PTPRD: variants seen among roughly 807,000 people sequenced by gnomAD.
PTPRD encodes receptor-type tyrosine-protein phosphatase delta.
Under a neutral mutation model 214.5 loss-of-function variants are expected in PTPRD, and 34 were observed. The ratio of observed to expected loss-of-function variants is 0.16; its 90% confidence interval spans 0.12 to 0.21. The LOEUF (loss-of-function observed/expected upper bound fraction) is 0.21. PTPRD is among the 10% of genes least tolerant of loss of function. The probability of loss-of-function intolerance (pLI) is 1.00; values close to 1 mark genes in which losing one functional copy is unlikely to be tolerated. For missense variants in PTPRD, 2,545 were observed against 2,398.7 expected (o/e 1.06, Z -1.27); for synonymous variants, 1,128 against 845.7 (o/e 1.33, Z -5.79).
intron 8 of PTPRD, among the ~76,000 whole-genome samples, chr9:9,414,585 C>T (rs1484462265): frequency 6.6e-6 from 1 of 152,068 alleles, no homozygotes; most frequent in Non-Finnish European, 1.5e-5. Context: ...TAATTAAAAA[C>T]AAACAAACCA....
intron 4 of PTPRD, among the ~76,000 whole-genome samples, chr9:9,972,773 C>T (rs574394920): frequency 3.9e-5 from 6 of 152,198 alleles, no homozygotes; most frequent in South Asian, 2.1e-4. Flanking sequence ...TTGTGGCTTA[C>T]GGGCATCATT....
chr9:10,456,203 A>T (rs1159493741), intron 2 of PTPRD, among the ~76,000 whole-genome samples: 1 of 151,942 alleles, frequency 6.6e-6, no homozygotes, highest in African/African-American at 2.4e-5. Flanking sequence ...AACCTATAAA[A>T]ATGTAACAGA....
At chr9:8,756,212 C>A (rs947415668) in intron 11 of PTPRD, among the ~76,000 whole-genome samples, 4 of 152,248 alleles carry the variant, frequency 2.6e-5, no homozygotes, top group African/African-American at 9.6e-5. Flanking sequence ...CCAAATCACT[C>A]CCCTTCTCTG....
chr9:10,582,486 A>G (rs908455967), intron 2 of PTPRD, among the ~76,000 whole-genome samples: 3 of 152,284 alleles, frequency 2.0e-5, no homozygotes, highest in African/African-American at 7.2e-5. Context: ...TACTTTATCC[A>G]TATTATAAAA....
rs1593484084 is a variant in PTPRD, at chr9:8,551,866, C to A, written c.353-23087G>T. ...AGAATCAAGCCTGGAATAGATCAAA[C>A]CAGAAATGTGATCCAGTCATCCTGT... On this transcript the variant is annotated intron_variant, in intron 14 of 45. Transcript: ENST00000381196. 2.0e-5 allele frequency among the ~76,000 whole-genome samples: 3 copies of A among 152,132 alleles called. No individual in the cohort carries two copies. In the East Asian group the frequency reaches 5.8e-4, roughly 29 times the overall value.
Position 9,590,647 on chromosome 9 carries a change from G to A in PTPRD, c.-286-15866C>T, listed in dbSNP as rs1230945408. 4.0e-5 allele frequency among the ~76,000 whole-genome samples: 6 copies of A among 151,594 alleles called. No individual in the cohort carries two copies. In the East Asian group the frequency reaches 1.2e-3, roughly 29 times the overall value. ...TTATAAGACATTCAAGATAACACTTGTCTTTTTCATAATAAAATGATAATC... is the reference window on the plus strand; with the variant it reads ...TTATAAGACATTCAAGATAACACTTATCTTTTTCATAATAAAATGATAATC... On this transcript the variant is annotated intron_variant, in intron 7 of 45. Transcript: ENST00000381196.
chr9:10,292,600 A>G (rs925370052), intron 3 of PTPRD, among the ~76,000 whole-genome samples: 2 of 152,004 alleles, frequency 1.3e-5, no homozygotes, highest in African/African-American at 4.8e-5. Flanking sequence ...ACCAACTGTT[A>G]TTTTTGGGCA....
At chr9:9,266,186 G>T (rs929743497) in intron 9 of PTPRD, among the ~76,000 whole-genome samples, 1 of 151,552 alleles carries the variant, frequency 6.6e-6, no homozygotes, top group Middle Eastern at 3.4e-3. Flanking sequence ...TCAAAAGGAT[G>T]TAGCAATTTT....
At chr9:9,972,743 G>A (rs752391453) in intron 4 of PTPRD, among the ~76,000 whole-genome samples, 1 of 152,010 alleles carries the variant, frequency 6.6e-6, no homozygotes, top group African/African-American at 2.4e-5. Context: ...AGCTTCTAGA[G>A]GCTGCCTGCA....
intron 3 of PTPRD, among the ~76,000 whole-genome samples, chr9:10,296,021 C>T (rs1333658613): frequency 6.6e-6 from 1 of 152,040 alleles, no homozygotes; most frequent in Non-Finnish European, 1.5e-5. Context: ...GACAGAACCA[C>T]ATGGCAACAT....
At chr9:9,259,678 T>C (rs2099979244) in intron 9 of PTPRD, among the ~76,000 whole-genome samples, 1 of 151,990 alleles carries the variant, frequency 6.6e-6, no homozygotes, top group Non-Finnish European at 1.5e-5. Context: ...CTGCCATTAG[T>C]GCTTCCCTCT....
chr9:9,692,637 A>G (rs2097294746), intron 7 of PTPRD, among the ~76,000 whole-genome samples: 1 of 95,522 alleles, frequency 1.0e-5, no homozygotes, highest in Non-Finnish European at 2.3e-5. Flanking sequence ...ATAAATTTTA[A>G]GTTTTTTTTT....
At chr9:9,082,997 A>T (rs917218005) in intron 10 of PTPRD, among the ~76,000 whole-genome samples, 1 of 152,184 alleles carries the variant, frequency 6.6e-6, no homozygotes, top group Non-Finnish European at 1.5e-5. Flanking sequence ...TATAGATTCA[A>T]TGCTATTCCC....
rs185678251 is a variant in PTPRD at position 9,843,372 on chromosome 9, C to G, written c.-367-76521G>C. Among the ~76,000 whole-genome samples the G allele has an allele frequency of 3.5e-3, 526 of 152,034 alleles. 2 individuals carry two copies. The highest frequency in any genetic ancestry group is 0.012 in the African/African-American group (510 of 41,538). On this transcript the variant is annotated intron_variant, in intron 5 of 45. Transcript: ENST00000381196. ...TCACATTTTTTTTTAGCCATAAATG[C>G]TAAGCACACTTTCTGTCTGTTTCTC...
At chr9:9,535,243 A>G (rs1489657901) in intron 8 of PTPRD, among the ~76,000 whole-genome samples, 1 of 152,078 alleles carries the variant, frequency 6.6e-6, no homozygotes, top group Admixed American at 6.6e-5. Context: ...ACTTTGACTG[A>G]AGATGTAAAC....
At chr9:9,323,295 T>C (rs1967614356) in intron 9 of PTPRD, among the ~76,000 whole-genome samples, 1 of 152,156 alleles carries the variant, frequency 6.6e-6, no homozygotes, top group Non-Finnish European at 1.5e-5. Flanking sequence ...ATAATAATGC[T>C]TACAAAGTTC....
intron 39 of PTPRD, among the ~76,000 whole-genome samples, chr9:8,356,484 G>GTCTA (rs1252423599): frequency 1.3e-5 from 2 of 152,262 alleles, no homozygotes; most frequent in East Asian, 3.9e-4. Context: ...TTTAAATGCA[G>GTCTA]TCTAGTTCAT....
chr9:9,888,088 A>G (rs922183492), intron 5 of PTPRD, among the ~76,000 whole-genome samples: 4 of 152,168 alleles, frequency 2.6e-5, no homozygotes, highest in African/African-American at 9.6e-5. Context: ...CTGCCTACCC[A>G]GCAGCCATTC....
At chr9:10,034,079 C>G (rs993704129) in intron 3 of PTPRD, among the ~76,000 whole-genome samples, 16 of 151,982 alleles carry the variant, frequency 1.1e-4, no homozygotes, top group Non-Finnish European at 5.9e-5. Flanking sequence ...AGATTAAATG[C>G]TATTCCTATT....
Sources: allele counts gnomAD v4.1 joint callset (sites outside exome capture counted in the v4.1 genomes callset), GRCh38; gene constraint gnomAD v4.1.1; transcripts MANE v1.5; gene names NCBI Gene and HGNC (gene_info 2026-07-23, HGNC 2026-07-21).